The following CDH18 variants were observed in gnomAD, a reference collection of about 807,000 sequenced individuals.
The protein encoded by CDH18 is cadherin-18.
Under a neutral mutation model 67.9 loss-of-function variants are expected in CDH18, and 31 were observed. The observed-to-expected ratio is 0.46, with a 90% CI of 0.34 to 0.62. The LOEUF is 0.62. Ranked by LOEUF, CDH18 falls within the 20% of genes least tolerant of loss-of-function variation. The pLI is 0.01. For synonymous variants in CDH18, 362 were observed against 347.2 expected, an observed-to-expected ratio of 1.04 and a Z score of -0.48; for missense variants, 890 against 975.5, an observed-to-expected ratio of 0.91 and a Z score of 1.17.
At chr5:20,563,943 T>G (rs1202679968) in intron 1 of CDH18, among the ~76,000 whole-genome samples, 1 of 152,112 alleles carries the variant, frequency 6.6e-6, no homozygotes. Flanking sequence ...CCCAGTAACC[T>G]CTAGTTATAG....
chr5:19,743,380 T>G (rs1038640509), intron 4 of CDH18, among the ~76,000 whole-genome samples: 5 of 152,124 alleles, frequency 3.3e-5, no homozygotes, highest in Non-Finnish European at 7.4e-5. Context: ...CAATAAAGAC[T>G]GACAAACTCT....
intron 2 of CDH18, among the ~76,000 whole-genome samples, chr5:20,109,329 G>C (rs1747251716): frequency 6.6e-6 from 1 of 152,190 alleles, no homozygotes; most frequent in Admixed American, 6.5e-5. Flanking sequence ...AAGTTTAAAA[G>C]AACATTTCAT....
chr5:20,305,530 T>G (rs1736347913), intron 1 of CDH18: 1 of 860,672 alleles, frequency 1.2e-6, no homozygotes, highest in Admixed American at 1.8e-5. Flanking sequence ...GGCGCAGGGG[T>G]CTCGAGCGGC....
chr5:19,912,412 A>G (rs937306305), intron 2 of CDH18, among the ~76,000 whole-genome samples: 1 of 152,240 alleles, frequency 6.6e-6, no homozygotes, highest in East Asian at 1.9e-4. Flanking sequence ...CTGAAACAGA[A>G]TCACTGTATT....
intron 5 of CDH18, among the ~76,000 whole-genome samples, chr5:19,626,827 C>G (rs1751628165): frequency 6.6e-6 from 1 of 152,072 alleles, no homozygotes; most frequent in Non-Finnish European, 1.5e-5. Context: ...TAGTGATATG[C>G]TGGAATTAGC....
chr5:19,636,506 A>G (rs1472680626), intron 5 of CDH18, among the ~76,000 whole-genome samples: 1 of 152,064 alleles, frequency 6.6e-6, no homozygotes, highest in Non-Finnish European at 1.5e-5. Flanking sequence ...AGTGTAAAAA[A>G]TAATGTGTTT....
chr5:20,524,050 T>C (rs990102205), intron 1 of CDH18, among the ~76,000 whole-genome samples: 1 of 152,184 alleles, frequency 6.6e-6, no homozygotes. Context: ...ATTTTTATTG[T>C]ATTTTATCCA....
intron 2 of CDH18, among the ~76,000 whole-genome samples, chr5:19,941,151 T>C (rs934024451): frequency 1.3e-5 from 2 of 151,956 alleles, no homozygotes; most frequent in African/African-American, 4.8e-5. Context: ...TTAGTGCTCT[T>C]ATAAAGAGAC....
At chr5:19,757,534 G>T (rs1482817283) in intron 3 of CDH18, among the ~76,000 whole-genome samples, 1 of 152,190 alleles carries the variant, frequency 6.6e-6, no homozygotes, top group African/African-American at 2.4e-5. Context: ...TATGTCAGGG[G>T]TGGCTGGGGA....
chr5:19,485,111 A>C (rs900068186), intron 11 of CDH18, among the ~76,000 whole-genome samples: 1 of 152,222 alleles, frequency 6.6e-6, no homozygotes, highest in Non-Finnish European at 1.5e-5. Flanking sequence ...AATGTACTAC[A>C]TATAATAAAA....
At chr5:19,598,315 C>T (rs1746495557) in intron 6 of CDH18, among the ~76,000 whole-genome samples, 1 of 152,050 alleles carries the variant, frequency 6.6e-6, no homozygotes, top group South Asian at 2.1e-4. Context: ...TTATGGCTCC[C>T]AAATGAATAG....
chr5:19,686,068 C>T (rs985065267), intron 5 of CDH18, among the ~76,000 whole-genome samples: 6 of 152,024 alleles, frequency 3.9e-5, no homozygotes, highest in Admixed American at 1.3e-4. Flanking sequence ...TGACAGGATA[C>T]TTGTAATATG....
chr5:19,621,915 T>C (rs1465232454), intron 5 of CDH18, among the ~76,000 whole-genome samples: 2 of 152,240 alleles, frequency 1.3e-5, no homozygotes, highest in Non-Finnish European at 2.9e-5. Context: ...TTTTGTGCTC[T>C]TAGTCACATC....
rs4002268 is a variant in CDH18 at position 19,604,530 on chromosome 5, A to AACACAC, written c.811+7898_811+7903dup. 6.6e-3 allele frequency among the ~76,000 whole-genome samples: 951 copies of AACACAC among 145,174 alleles called. 5 individuals carry two copies. The highest frequency in any genetic ancestry group is 8.9e-3 in the African/African-American group (347 of 38,866). The stretch of plus-strand genomic sequence containing the variant: ...GCTGAGAATGCTAATTTCAAATTAA[A>AACACAC]ACACACACACACACACACACACACA... On this transcript the variant is annotated intron_variant, in intron 6 of 12. Coordinates refer to ENST00000382275, the MANE Select transcript of CDH18 (RefSeq NM_004934.5).
intron 3 of CDH18, among the ~76,000 whole-genome samples, chr5:19,757,225 T>C (rs1024005962): frequency 3.3e-5 from 5 of 152,198 alleles, no homozygotes; most frequent in African/African-American, 1.2e-4. Context: ...AAAAGCATTG[T>C]GTGCACGATA....
chr5:20,356,909 G>A (rs966718684), intron 1 of CDH18, among the ~76,000 whole-genome samples: 23 of 148,218 alleles, frequency 1.6e-4, no homozygotes, highest in African/African-American at 4.0e-4. Context: ...GTATATATAC[G>A]TGTGTATACA....
intron 2 of CDH18, among the ~76,000 whole-genome samples, chr5:20,122,306 T>A (rs1312755185): frequency 6.6e-6 from 1 of 152,218 alleles, no homozygotes; most frequent in Non-Finnish European, 1.5e-5. Context: ...TTCTTTACTT[T>A]GCCCTGCTGT....
In CDH18 at chr5:20,009,101, T is replaced by A. The variant is rs115521965; in HGVS notation, c.-517-17087A>T. 6.1e-3 allele frequency among the ~76,000 whole-genome samples: 933 copies of A among 152,252 alleles called. 6 individuals are homozygous for A. The highest frequency in any genetic ancestry group is 0.021 in the African/African-American group (884 of 41,550). On this transcript the variant is annotated intron_variant, in intron 2 of 14. Transcript: ENST00000507958. ...AAGAGATGAACTTGTTCTTACTTGA[T>A]AATAGAATGAAATTTCTGGGTATAC...
chr5:20,424,586 A>G (rs537716024), intron 1 of CDH18, among the ~76,000 whole-genome samples: 1 of 149,746 alleles, frequency 6.7e-6, no homozygotes, highest in Non-Finnish European at 1.5e-5. Flanking sequence ...ACCTGTCTCT[A>G]CTAAATACAA....
Sources: allele counts gnomAD v4.1 joint callset (sites outside exome capture counted in the v4.1 genomes callset), GRCh38; gene constraint gnomAD v4.1.1; transcripts MANE v1.5; gene names NCBI Gene and HGNC (gene_info 2026-07-23, HGNC 2026-07-21).